The following XKR6 variants were observed in gnomAD, a reference collection of about 807,000 sequenced individuals.
XKR6 encodes the protein XK-related protein 6.
In XKR6, 22 loss-of-function variants were observed where a neutral mutation model predicts 56.7. The ratio of observed to expected loss-of-function variants is 0.39; its 90% CI spans 0.28 to 0.55. The LOEUF is 0.55. Among genes scored for constraint, XKR6 ranks in the 20% least tolerant of loss-of-function variants. The probability of loss-of-function intolerance (pLI) is 0.66; values close to 1 mark genes in which losing one functional copy is unlikely to be tolerated. For synonymous variants in XKR6, 524 were observed against 387.8 expected, an observed-to-expected ratio of 1.35 and a Z score of -4.13; for missense variants, 852 against 889.0, an observed-to-expected ratio of 0.96 and a Z score of 0.53.
chr8:11,187,439 G>A (rs529074810), intron 1 of XKR6, among the ~76,000 whole-genome samples: 17 of 152,160 alleles, frequency 1.1e-4, no homozygotes, highest in Non-Finnish European at 2.1e-4. Context: ...TGTCAGAACT[G>A]CTGCAACACA....
chr8:11,102,707 G>T (rs562920614), intron 1 of XKR6, among the ~76,000 whole-genome samples: 2 of 152,266 alleles, frequency 1.3e-5, no homozygotes, highest in African/African-American at 2.4e-5. Context: ...TTTCCATCAG[G>T]CAAGAGGAAG....
chr8:11,167,393 TA>T (rs766369304), intron 1 of XKR6, among the ~76,000 whole-genome samples: 1 of 152,174 alleles, frequency 6.6e-6, no homozygotes, highest in Non-Finnish European at 1.5e-5. Context: ...CATAAATTTT[TA>T]GTGACTCCAT....
intron 1 of XKR6, among the ~76,000 whole-genome samples, chr8:11,141,463 G>A (rs1730040873): frequency 1.3e-5 from 2 of 152,188 alleles, no homozygotes; most frequent in South Asian, 2.1e-4. Context: ...GATTCTCAGT[G>A]TAGAAAAAAG....
intron 1 of XKR6, among the ~76,000 whole-genome samples, chr8:10,963,078 C>A (rs556350216): frequency 6.6e-6 from 1 of 152,218 alleles, no homozygotes; most frequent in Non-Finnish European, 1.5e-5. Flanking sequence ...CGCCCAACAG[C>A]GCCAGACCAA....
chr8:11,174,558 A>G (rs775341052), intron 1 of XKR6, among the ~76,000 whole-genome samples: 16 of 152,252 alleles, frequency 1.1e-4, no homozygotes, highest in Non-Finnish European at 1.9e-4. Context: ...AAGAAAATGA[A>G]TACAAAATAT....
chr8:11,058,628 G>C (rs553336712), intron 1 of XKR6, among the ~76,000 whole-genome samples: 1 of 152,174 alleles, frequency 6.6e-6, no homozygotes, highest in East Asian at 1.9e-4. Context: ...ATAAGTGGGA[G>C]CTGAACAATG....
chr8:10,975,937 G>C (rs1325507790), intron 1 of XKR6, among the ~76,000 whole-genome samples: 1 of 152,232 alleles, frequency 6.6e-6, no homozygotes, highest in Non-Finnish European at 1.5e-5. Flanking sequence ...CACTTTGGGA[G>C]GCCGAGACGG....
chr8:10,987,976 T>C (rs1398980654), intron 1 of XKR6, among the ~76,000 whole-genome samples: 1 of 152,258 alleles, frequency 6.6e-6, no homozygotes, highest in Non-Finnish European at 1.5e-5. Flanking sequence ...TTAATGATGC[T>C]GTCCTTCCTA....
chr8:11,171,404 T>G (rs1172582762), intron 1 of XKR6, among the ~76,000 whole-genome samples: 1 of 152,222 alleles, frequency 6.6e-6, no homozygotes, highest in Non-Finnish European at 1.5e-5. Flanking sequence ...CTATAGAGTT[T>G]GGATATTTTT....
chr8:10,973,565 TTC>T (rs984852020), intron 1 of XKR6, among the ~76,000 whole-genome samples: 2 of 150,632 alleles, frequency 1.3e-5, no homozygotes, highest in African/African-American at 4.9e-5. Context: ...CTTTCTTTCT[TTC>T]TCTCTTTCTC....
chr8:11,052,543 G>T (rs1799576995), intron 1 of XKR6, among the ~76,000 whole-genome samples: 2 of 152,154 alleles, frequency 1.3e-5, no homozygotes, highest in African/African-American at 4.8e-5. Context: ...TGAAGGGATG[G>T]GTGTGCTGAG....
intron 1 of XKR6, among the ~76,000 whole-genome samples, chr8:11,042,290 G>C (rs1799305221): frequency 6.6e-6 from 1 of 151,282 alleles, no homozygotes; most frequent in Middle Eastern, 3.4e-3. Flanking sequence ...ATCTGATATG[G>C]TTTGACTGTG....
At chr8:11,094,842 C>A (rs967007057) in intron 1 of XKR6, among the ~76,000 whole-genome samples, 1 of 152,188 alleles carries the variant, frequency 6.6e-6, no homozygotes, top group African/African-American at 2.4e-5. Context: ...TCCTCTCCTG[C>A]AGACTGACTG....
intron 1 of XKR6, among the ~76,000 whole-genome samples, chr8:11,018,373 G>A (rs1299240000): frequency 6.6e-6 from 1 of 152,214 alleles, no homozygotes; most frequent in Non-Finnish European, 1.5e-5. Context: ...TATTTGACAG[G>A]CAGCATCCCA....
At chr8:11,037,944 T>A (rs1799188084) in intron 1 of XKR6, among the ~76,000 whole-genome samples, 1 of 151,670 alleles carries the variant, frequency 6.6e-6, no homozygotes, top group South Asian at 2.1e-4. Context: ...GGAGAATTGC[T>A]TGAACCCAGG....
At chr8:11,148,945 G>A (rs978400968) in intron 1 of XKR6, among the ~76,000 whole-genome samples, 3 of 152,172 alleles carry the variant, frequency 2.0e-5, no homozygotes, top group Non-Finnish European at 4.4e-5. Flanking sequence ...TTCCATCAAC[G>A]TAAGATTCCA....
chr8:11,166,754 G>C (rs1802095815), intron 1 of XKR6, among the ~76,000 whole-genome samples: 1 of 151,966 alleles, frequency 6.6e-6, no homozygotes, highest in South Asian at 2.1e-4. Context: ...TGTGTTTTTA[G>C]CAGAGACGGG....
At chr8:11,129,242 G>A (rs1799983314) in intron 1 of XKR6, among the ~76,000 whole-genome samples, 1 of 152,168 alleles carries the variant, frequency 6.6e-6, no homozygotes, top group African/African-American at 2.4e-5. Flanking sequence ...TTTTACAATG[G>A]TTAATTGTAT....
chr8:11,081,860 C>T (rs1797732497), intron 1 of XKR6, among the ~76,000 whole-genome samples: 1 of 152,208 alleles, frequency 6.6e-6, no homozygotes, highest in African/African-American at 2.4e-5. Flanking sequence ...TGCCTCTTGG[C>T]CTGTGTCAAA....
Sources: gnomAD v4.1 joint callset for allele counts (sites outside exome capture counted in the v4.1 genomes callset) on GRCh38, gnomAD v4.1.1 for gene constraint, MANE v1.5 for transcripts, NCBI Gene and HGNC (gene_info 2026-07-23, HGNC 2026-07-21) for gene names.